Variants in EYS observed in about 807,000 individuals in gnomAD.
The protein encoded by EYS is EGF-like photoreceptor maintenance factor.
Under a neutral mutation model 282.1 loss-of-function variants are expected in EYS, and 250 were observed. That is an observed-to-expected ratio of 0.89 (90% CI 0.80 to 0.98). EYS has a LOEUF of 0.98. Among genes scored for constraint, EYS ranks in the 50% least tolerant of loss-of-function variants. The pLI, the probability that EYS is intolerant of heterozygous loss-of-function variation, is 0.00. For synonymous variants in EYS, 1,355 were observed against 1,282.9 expected, an observed-to-expected ratio of 1.06 and a Z score of -1.20; for missense variants, 4,016 against 3,709.0, an observed-to-expected ratio of 1.08 and a Z score of -2.15.
chr6:64,038,153 TGGGGATGTGGATTG>T (rs1239027359), intron 33 of EYS, among the ~76,000 whole-genome samples: 2 of 149,016 alleles, frequency 1.3e-5, no homozygotes, highest in East Asian at 2.0e-4. Context: ...GGGGGTTAAG[TGGGGATGTGGATTG>T]GGGGATGTGG....
At chr6:65,161,499 A>G (rs1353341610) in intron 12 of EYS, among the ~76,000 whole-genome samples, 1 of 151,070 alleles carries the variant, frequency 6.6e-6, no homozygotes, top group Non-Finnish European at 1.5e-5. Context: ...TGCTATGTTT[A>G]TAGATTCACT....
At chr6:65,038,839 C>A (rs1313504515) in intron 13 of EYS, among the ~76,000 whole-genome samples, 1 of 151,156 alleles carries the variant, frequency 6.6e-6, no homozygotes, top group Non-Finnish European at 1.5e-5. Flanking sequence ...TTTTACTTAT[C>A]TTTCAATGAA....
chr6:64,350,166 A>T (rs983670663), intron 29 of EYS, among the ~76,000 whole-genome samples: 1 of 151,500 alleles, frequency 6.6e-6, no homozygotes, highest in African/African-American at 2.4e-5. Context: ...ATTTTTTGTC[A>T]TACATAATAT....
intron 19 of EYS, among the ~76,000 whole-genome samples, chr6:64,836,187 TG>T (rs764093302): frequency 1.4e-3 from 98 of 71,664 alleles, no homozygotes; most frequent in Non-Finnish European, 2.8e-3. Flanking sequence ...TAACATGTCA[TG>T]TTTTTTTTCA....
chr6:64,385,317 GCA>G (rs895791178), intron 29 of EYS, among the ~76,000 whole-genome samples: 1 of 151,970 alleles, frequency 6.6e-6, no homozygotes, highest in Non-Finnish European at 1.5e-5. Context: ...ACATATTCTA[GCA>G]CACACACATA....
intron 30 of EYS, among the ~76,000 whole-genome samples, chr6:64,255,788 C>T (rs1767376486): frequency 2.0e-5 from 3 of 151,992 alleles, no homozygotes; most frequent in South Asian, 4.1e-4. Context: ...TGTGTGTATA[C>T]ATAATTTCCT....
At chr6:64,949,889 T>C (rs1769425415) in intron 14 of EYS, among the ~76,000 whole-genome samples, 1 of 151,920 alleles carries the variant, frequency 6.6e-6, no homozygotes, top group Non-Finnish European at 1.5e-5. Flanking sequence ...AAGGTAGTAA[T>C]AACTATAATA....
At chr6:65,409,606 T>A (rs1342945586) in intron 5 of EYS, among the ~76,000 whole-genome samples, 1 of 152,174 alleles carries the variant, frequency 6.6e-6, no homozygotes, top group Non-Finnish European at 1.5e-5. Context: ...TACGTGGACT[T>A]TGAAAATTAA....
intron 30 of EYS, among the ~76,000 whole-genome samples, chr6:64,243,478 G>A (rs547630569): frequency 6.6e-6 from 1 of 152,214 alleles, no homozygotes; most frequent in Non-Finnish European, 1.5e-5. Context: ...CATAGCTCCT[G>A]AGGTCCCCTT....
At chr6:65,540,646 C>T (rs1025580530) in intron 2 of EYS, among the ~76,000 whole-genome samples, 4 of 152,206 alleles carry the variant, frequency 2.6e-5, no homozygotes, top group African/African-American at 7.2e-5. Context: ...TGGCCGGGTG[C>T]GGTGGCTCAC....
intron 22 of EYS, among the ~76,000 whole-genome samples, chr6:64,744,930 G>A (rs962448960): frequency 2.0e-5 from 3 of 151,984 alleles, no homozygotes; most frequent in Non-Finnish European, 2.9e-5. Flanking sequence ...TGAAATAGAT[G>A]TTTGTTATTA....
Position 64,591,793 on chromosome 6 carries a change from T to G in EYS, c.4074A>C (p.Pro1358=). 3 of 1,551,296 alleles carry G rather than the reference T, an allele frequency of 1.9e-6. No homozygotes were observed. Among genetic ancestry groups the G allele is most frequent in the Non-Finnish European group, 2.6e-6 (3 of 1,146,694 alleles). ...SRFLNFGIRD[P]AQIVQDKTSV... ...ATGTTTTGTCCTGGACAATTTGTGC[T>G]GGGTCACGAATACCAAAATTCAGGA... The change falls in exon 26 of 43, where the codon CCA becomes CCC. Residue 1358 remains proline, a synonymous_variant. Transcript: ENST00000503581.
At chr6:65,497,767 C>T (rs1181967492) in intron 2 of EYS, among the ~76,000 whole-genome samples, 1 of 152,072 alleles carries the variant, frequency 6.6e-6, no homozygotes, top group African/African-American at 2.4e-5. Context: ...ATTTTGTTCT[C>T]TCTTCAATGT....
chr6:65,118,403 C>G (rs551885385), intron 12 of EYS, among the ~76,000 whole-genome samples: 16 of 152,278 alleles, frequency 1.1e-4, no homozygotes, highest in African/African-American at 3.9e-4. Flanking sequence ...TTAAATACTT[C>G]TCTTGTTAAT....
chr6:64,411,195 G>C (rs1270001025), intron 28 of EYS, among the ~76,000 whole-genome samples: 1 of 152,006 alleles, frequency 6.6e-6, no homozygotes, highest in Non-Finnish European at 1.5e-5. Flanking sequence ...AAATTAACCT[G>C]ACCATTCACA....
chr6:64,423,786 C>T (rs946177800), intron 28 of EYS, among the ~76,000 whole-genome samples: 30 of 151,874 alleles, frequency 2.0e-4, no homozygotes, highest in African/African-American at 5.3e-4. Context: ...CCAGCCTGGA[C>T]GACAGAGCAA....
intron 36 of EYS, among the ~76,000 whole-genome samples, chr6:63,853,023 T>C (rs1316349039): frequency 6.6e-6 from 1 of 152,132 alleles, no homozygotes; most frequent in Non-Finnish European, 1.5e-5. Context: ...CCATATTCAA[T>C]GTATACTGAA....
At chr6:64,941,673 A>G (rs1408917463) in intron 15 of EYS, among the ~76,000 whole-genome samples, 1 of 151,940 alleles carries the variant, frequency 6.6e-6, no homozygotes, top group Admixed American at 6.6e-5. Flanking sequence ...ACGAGTACCC[A>G]GTGTTTAGCT....
intron 1 of EYS, among the ~76,000 whole-genome samples, chr6:65,642,267 T>G (rs1278521104): frequency 6.6e-6 from 1 of 152,194 alleles, no homozygotes; most frequent in Non-Finnish European, 1.5e-5. Flanking sequence ...TTTTACTTTA[T>G]GTACCTGGCT....
Sources: gnomAD v4.1 joint callset for allele counts (sites outside exome capture counted in the v4.1 genomes callset) on GRCh38, gnomAD v4.1.1 for gene constraint, MANE v1.5 for transcripts, NCBI Gene and HGNC (gene_info 2026-07-23, HGNC 2026-07-21) for gene names.